Variants in LIN28B observed in about 807,000 individuals in gnomAD.
The protein encoded by LIN28B is protein lin-28 homolog B.
LIN28B carries 5 observed loss-of-function variants against 21.9 expected under a neutral mutation model. The observed-to-expected ratio is 0.23, with a 90% CI of 0.12 to 0.48. The LOEUF (loss-of-function observed/expected upper bound fraction) is 0.48, where lower values mean the gene tolerates loss of function less well. Among genes scored for constraint, LIN28B ranks in the 20% least tolerant of loss-of-function variants. The pLI, the probability that LIN28B is intolerant of heterozygous loss-of-function variation, is 0.98. For missense variants in LIN28B, 245 were observed against 310.5 expected, an observed-to-expected ratio of 0.79 and a Z score of 1.58; for synonymous variants, 109 against 111.3, an observed-to-expected ratio of 0.98 and a Z score of 0.13.
At chr6:105,077,357 C>T (rs1772446968) in intron 3 of LIN28B, among the ~76,000 whole-genome samples, 1 of 152,106 alleles carries the variant, frequency 6.6e-6, no homozygotes, top group Admixed American at 6.5e-5. Context: ...TAAACAAATT[C>T]TGTATTTAAA....
intron 2 of LIN28B, among the ~76,000 whole-genome samples, chr6:105,020,604 C>T (rs1186241193): frequency 6.6e-6 from 1 of 152,026 alleles, no homozygotes; most frequent in Non-Finnish European, 1.5e-5. Context: ...CAGGCATGAA[C>T]CACTGCACCC....
chr6:105,020,191 G>A (rs2114325630), intron 2 of LIN28B, among the ~76,000 whole-genome samples: 1 of 146,716 alleles, frequency 6.8e-6, no homozygotes, highest in African/African-American at 2.5e-5. Flanking sequence ...GTGGGTAGGT[G>A]CAACCTTGAC....
intron 2 of LIN28B, among the ~76,000 whole-genome samples, chr6:104,961,108 CAT>C (rs939130573): frequency 2.0e-5 from 3 of 152,046 alleles, no homozygotes; most frequent in African/African-American, 7.2e-5. Context: ...TTTAAATAAT[CAT>C]ATTTTTATGA....
chr6:105,040,745 A>G lies in LIN28B; in HGVS notation c.383+14263A>G, dbSNP rs149286731. ...AAAAAATTGTCCAGAGCTTTCTCAT[A>G]TCTATTAGAGTTTTCTGTTTCCTTT... is the stretch of plus-strand genomic sequence containing the variant. On this transcript the variant is annotated intron_variant, in intron 3 of 3. Coordinates refer to ENST00000345080, the MANE Select transcript of LIN28B (RefSeq NM_001004317.4). Among the ~76,000 whole-genome samples, 3 of 152,192 alleles carry G rather than the reference A, an allele frequency of 2.0e-5. No individual in the cohort carries two copies. In the East Asian group the frequency reaches 5.8e-4, roughly 29 times the overall value.
chr6:104,980,799 T>G (rs1770204266), intron 2 of LIN28B, among the ~76,000 whole-genome samples: 1 of 152,158 alleles, frequency 6.6e-6, no homozygotes, highest in African/African-American at 2.4e-5. Flanking sequence ...TCATATCATG[T>G]CCATATAAAT....
intron 2 of LIN28B, among the ~76,000 whole-genome samples, chr6:104,984,728 A>C (rs1483888633): frequency 6.6e-6 from 1 of 152,216 alleles, no homozygotes; most frequent in Admixed American, 6.5e-5. Flanking sequence ...TATGTTAAGT[A>C]ATATTTTTTG....
At chr6:105,027,878 C>T (rs1012747987) in intron 3 of LIN28B, among the ~76,000 whole-genome samples, 2 of 152,148 alleles carry the variant, frequency 1.3e-5, no homozygotes, top group Admixed American at 6.6e-5. Flanking sequence ...GCACTTGTTG[C>T]CTATTTCATA....
At chr6:105,061,687 A>G (rs1347401246) in intron 3 of LIN28B, among the ~76,000 whole-genome samples, 1 of 152,156 alleles carries the variant, frequency 6.6e-6, no homozygotes, top group Admixed American at 6.5e-5. Context: ...AGTGGAAATT[A>G]TGTTCATCTT....
chr6:105,037,358 T>C lies in LIN28B; in HGVS notation c.383+10876T>C, dbSNP rs571084625. ...CAAGTCAAATTCTGTTCTAATAAAT[T>C]TGAAGAGCTTATATAAAGATTCTTC... On this transcript the variant is annotated intron_variant, in intron 3 of 3. Coordinates refer to ENST00000345080, the MANE Select transcript of LIN28B (RefSeq NM_001004317.4). Among the ~76,000 whole-genome samples, 11 of 152,304 alleles carry C rather than the reference T, an allele frequency of 7.2e-5. No homozygotes were observed. The East Asian group carries it at 1.3e-3, about 19-fold the overall frequency.
At chr6:104,986,642 A>G (rs1298234925) in intron 2 of LIN28B, among the ~76,000 whole-genome samples, 1 of 152,042 alleles carries the variant, frequency 6.6e-6, no homozygotes. Flanking sequence ...TCAATTTGTG[A>G]CAGCTAGTCG....
intron 3 of LIN28B, among the ~76,000 whole-genome samples, chr6:105,035,601 T>C (rs1420385793): frequency 6.6e-6 from 1 of 152,200 alleles, no homozygotes; most frequent in African/African-American, 2.4e-5. Flanking sequence ...TAAACCTGGC[T>C]TATGGTTATA....
intron 2 of LIN28B, among the ~76,000 whole-genome samples, chr6:105,003,565 T>C (rs534279864): frequency 6.6e-6 from 1 of 151,966 alleles, no homozygotes; most frequent in African/African-American, 2.4e-5. Context: ...CAGGCTGGAG[T>C]GCAGTGGTGC....
chr6:105,074,122 T>A (rs1407737933), intron 3 of LIN28B, among the ~76,000 whole-genome samples: 1 of 152,212 alleles, frequency 6.6e-6, no homozygotes, highest in East Asian at 1.9e-4. Flanking sequence ...GTTCTAAAGG[T>A]CTAAACAATT....
upstream of LIN28B, among the ~76,000 whole-genome samples, chr6:104,953,163 C>T (rs1450424000): frequency 2.6e-5 from 4 of 152,098 alleles, no homozygotes; most frequent in South Asian, 6.2e-4. Context: ...AGAGAGATCC[C>T]GAAAATCGCC....
intron 3 of LIN28B, among the ~76,000 whole-genome samples, chr6:105,038,353 A>G (rs1026375262): frequency 2.6e-5 from 4 of 152,148 alleles, no homozygotes; most frequent in African/African-American, 9.7e-5. Context: ...TGAAAAGGGA[A>G]CTGGAAGAGG....
At chr6:105,043,341 C>CAAAAAAAAAAAAAAAAA (rs57532096) in intron 3 of LIN28B, among the ~76,000 whole-genome samples, 3 of 75,384 alleles carry the variant, frequency 4.0e-5, no homozygotes, top group African/African-American at 1.4e-4. Context: ...GACTCTGTCT[C>CAAAAAAAAAAAAAAAAA]AAAAAAAAAA....
chr6:104,974,201 C>T (rs968659667), intron 2 of LIN28B, among the ~76,000 whole-genome samples: 1 of 151,906 alleles, frequency 6.6e-6, no homozygotes, highest in Admixed American at 6.6e-5. Flanking sequence ...TAAAAAAATG[C>T]AGATTCAGGT....
intron 3 of LIN28B, among the ~76,000 whole-genome samples, chr6:105,050,466 G>A (rs530591325): frequency 3.6e-4 from 55 of 151,758 alleles, no homozygotes; most frequent in African/African-American, 1.3e-3. Context: ...GCCGGGCGCG[G>A]TGGCGGGTGC....
chr6:105,053,382 GGTGTGTGTGTGTGTGT>G (rs112180054), intron 3 of LIN28B, among the ~76,000 whole-genome samples: 3 of 146,552 alleles, frequency 2.0e-5, no homozygotes, highest in Non-Finnish European at 4.5e-5. Flanking sequence ...TATGTCTTAT[GGTGTGTGTGTGTGTGT>G]GTGTGTGTGT....
Sources: allele counts gnomAD v4.1 joint callset (sites outside exome capture counted in the v4.1 genomes callset), GRCh38; gene constraint gnomAD v4.1.1; transcripts MANE v1.5; gene names NCBI Gene and HGNC (gene_info 2026-07-23, HGNC 2026-07-21).